NAV2: variants seen among roughly 807,000 people sequenced by gnomAD.
NAV2 encodes the protein helicase, APC down-regulated 1.
In NAV2, 54 loss-of-function variants were observed where a neutral mutation model predicts 223.2. The ratio of observed to expected loss-of-function variants is 0.24; its 90% CI spans 0.19 to 0.30. NAV2 has a LOEUF of 0.30. NAV2 is among the 10% of genes least tolerant of loss of function. The pLI is 1.00. For missense variants in NAV2, 2,806 were observed against 3,147.5 expected (o/e 0.89, Z 2.60); for synonymous variants, 1,279 against 1,239.3 (o/e 1.03, Z -0.67).
chr11:19,345,897 G>A (rs1011259569), upstream of NAV2, among the ~76,000 whole-genome samples: 2 of 152,114 alleles, frequency 1.3e-5, no homozygotes, highest in African/African-American at 2.4e-5. This position sits in a 1 kb window ranked among gnomAD's most constrained non-coding sequence, Gnocchi z 5.2. Flanking sequence ...TGTGTCTCTG[G>A]GTGTATCCCC....
chr11:19,827,273 G>A (rs2059687074), intron 1 of NAV2, among the ~76,000 whole-genome samples: 1 of 152,138 alleles, frequency 6.6e-6, no homozygotes, highest in African/African-American at 2.4e-5. Context: ...AGAGCTGGTA[G>A]TCAGTACTTG....
At chr11:19,747,646 G>C (rs76613954) in intron 1 of NAV2, among the ~76,000 whole-genome samples, 7,483 of 152,248 alleles carry the variant, frequency 0.049, 239 homozygotes, top group African/African-American at 0.089. Context: ...TTGCAGGGGA[G>C]GCAAATCTGC....
At chr11:19,779,189 C>G (rs1191818536) in intron 1 of NAV2, among the ~76,000 whole-genome samples, 1 of 152,144 alleles carries the variant, frequency 6.6e-6, no homozygotes, top group African/African-American at 2.4e-5. Context: ...TGAGGACCAC[C>G]CAAGGTAGTT....
chr11:20,108,162 G>A (rs1459246178), intron 36 of NAV2, among the ~76,000 whole-genome samples: 7 of 152,214 alleles, frequency 4.6e-5, no homozygotes, highest in Non-Finnish European at 1.5e-5. Context: ...TTTGGGTTAA[G>A]CCTTGGATTA....
chr11:19,589,376 T>A (rs1288703521), intron 1 of NAV2, among the ~76,000 whole-genome samples: 1 of 152,128 alleles, frequency 6.6e-6, no homozygotes, highest in Non-Finnish European at 1.5e-5. Context: ...ATAAATTCAA[T>A]CAGTGGTTAC....
At chr11:19,915,000 C>T (rs1187744886) in intron 6 of NAV2, among the ~76,000 whole-genome samples, 1 of 152,180 alleles carries the variant, frequency 6.6e-6, no homozygotes, top group Non-Finnish European at 1.5e-5. Flanking sequence ...CTTCTCTCCT[C>T]TTTTTATACA....
At chr11:20,076,354 G>A (rs959003146) in intron 22 of NAV2, among the ~76,000 whole-genome samples, 1 of 152,196 alleles carries the variant, frequency 6.6e-6, no homozygotes, top group African/African-American at 2.4e-5. Context: ...TGTACCAGCA[G>A]TGTGGATACA....
At chr11:19,818,182 A>C (rs1182308995) in intron 1 of NAV2, among the ~76,000 whole-genome samples, 1 of 151,000 alleles carries the variant, frequency 6.6e-6, no homozygotes, top group African/African-American at 2.4e-5. Context: ...GTAAGGAGGG[A>C]AAATAATAAC....
chr11:19,907,328 C>T (rs867716153), intron 6 of NAV2, among the ~76,000 whole-genome samples: 9 of 152,180 alleles, frequency 5.9e-5, no homozygotes, highest in Admixed American at 2.6e-4. Context: ...ATCCTCCTCT[C>T]TCTCTGATAA....
chr11:20,045,092 C>A lies in NAV2; in HGVS notation c.3324C>A (p.Ser1108Arg). The change falls in exon 14 of 38, where the codon AGC becomes AGA. Residue 1108 changes from serine (S) to arginine (R), a missense_variant. Ser to Arg is a moderately radical substitution (Grantham distance 110). Transcript: ENST00000349880. ...SGDESKKPLP[S>R]SSRTPTANAN... The stretch of plus-strand genomic sequence containing the variant: ...ACGAATCCAAAAAGCCCCTCCCCAG[C>A]AGCTCTAGGACACCTACTGCCAATG... 6.2e-7 allele frequency: 1 copy of A among 1,614,192 alleles called. No homozygotes were observed. Among genetic ancestry groups the A allele is most frequent in the Non-Finnish European group, 8.5e-7 (1 of 1,180,034 alleles).
At chr11:20,078,697 A>G (rs2059909413) in intron 24 of NAV2, among the ~76,000 whole-genome samples, 1 of 152,148 alleles carries the variant, frequency 6.6e-6, no homozygotes, top group African/African-American at 2.4e-5. Flanking sequence ...TCCTCAAGCA[A>G]TCCGCTCACC....
chr11:19,534,500 TGA>T (rs1308850650), intron 1 of NAV2, among the ~76,000 whole-genome samples: 3 of 151,396 alleles, frequency 2.0e-5, no homozygotes, highest in South Asian at 4.2e-4. Context: ...ATAAAAGAGG[TGA>T]GAGAGAGAGA....
At chr11:19,894,284 G>A (rs570589867) in intron 6 of NAV2, among the ~76,000 whole-genome samples, 1 of 152,290 alleles carries the variant, frequency 6.6e-6, no homozygotes, top group South Asian at 2.1e-4. Flanking sequence ...CCTGGAAGTG[G>A]GAAACAAATG....
chr11:19,590,564 C>T lies in NAV2; in HGVS notation c.75+239537C>T, dbSNP rs1224570221. Among the ~76,000 whole-genome samples, 8 of 152,276 alleles carry T rather than the reference C, an allele frequency of 5.3e-5. No individual in the cohort carries two copies. The East Asian group carries it at 1.4e-3, about 26-fold the overall frequency. On this transcript the variant is annotated intron_variant, in intron 1 of 37. Transcript: ENST00000360655. ...TTTAATCCAATTCTTGCTTCAGAAG[C>T]TTGAGTTTATATCTGGAAAAGCTGT...
chr11:19,432,547 G>C (rs940827885), intron 1 of NAV2, among the ~76,000 whole-genome samples: 2 of 152,194 alleles, frequency 1.3e-5, no homozygotes, highest in South Asian at 2.1e-4. Flanking sequence ...AAGCCAAAAG[G>C]CGTCATGGAC....
intron 10 of NAV2, among the ~76,000 whole-genome samples, chr11:19,972,986 C>T (rs1012915709): frequency 2.6e-5 from 4 of 152,184 alleles, no homozygotes; most frequent in Non-Finnish European, 2.9e-5. Context: ...TCTAGTTGTT[C>T]GCTGAGGTTG....
At chr11:19,428,193 T>C (rs991709394) in intron 1 of NAV2, among the ~76,000 whole-genome samples, 1 of 152,234 alleles carries the variant, frequency 6.6e-6, no homozygotes, top group Non-Finnish European at 1.5e-5. Flanking sequence ...TTTGTTGCTG[T>C]TGTTAAATAT....
intron 2 of NAV2, among the ~76,000 whole-genome samples, chr11:19,840,948 A>G (rs1354220888): frequency 6.6e-6 from 1 of 152,234 alleles, no homozygotes; most frequent in Non-Finnish European, 1.5e-5. Flanking sequence ...ACAAGCTAGC[A>G]ATATATTCTG....
At chr11:19,685,462 G>A (rs752459) in intron 1 of NAV2, among the ~76,000 whole-genome samples, 103,940 of 151,916 alleles carry the variant, frequency 0.68, 38,739 homozygotes, top group Admixed American at 0.84. Flanking sequence ...AGGTATGGCC[G>A]GGCTGAGGAG....
Sources: allele counts gnomAD v4.1 joint callset (sites outside exome capture counted in the v4.1 genomes callset), GRCh38; gene constraint gnomAD v4.1.1; non-coding constraint Gnocchi (gnomAD v3.1); transcripts MANE v1.5; gene names NCBI Gene and HGNC (gene_info 2026-07-23, HGNC 2026-07-21).